Variants in CNTNAP2 observed in about 807,000 individuals in gnomAD.
CNTNAP2 encodes the protein contactin associated protein 2.
A neutral mutation model predicts 155.2 loss-of-function variants in CNTNAP2; 98 were observed. The observed-to-expected ratio is 0.63, with a 90% CI of 0.54 to 0.75. The LOEUF (loss-of-function observed/expected upper bound fraction) is 0.75, where lower values mean the gene tolerates loss of function less well. CNTNAP2 is among the 30% of genes least tolerant of loss of function. The pLI, the probability that CNTNAP2 is intolerant of heterozygous loss-of-function variation, is 0.00. For synonymous variants in CNTNAP2, 651 were observed against 631.2 expected (o/e 1.03, Z -0.47); for missense variants, 1,727 against 1,688.1 (o/e 1.02, Z -0.40).
chr7:146,974,695 T>C (rs1188736030), intron 3 of CNTNAP2, among the ~76,000 whole-genome samples: 1 of 152,134 alleles, frequency 6.6e-6, no homozygotes, highest in Admixed American at 6.5e-5. Context: ...AAGAATGACT[T>C]ACTCTTTAGA....
At chr7:147,770,942 A>C (rs1584946681) in intron 13 of CNTNAP2, among the ~76,000 whole-genome samples, 1 of 152,248 alleles carries the variant, frequency 6.6e-6, no homozygotes, top group African/African-American at 2.4e-5. Flanking sequence ...TCTACCATAC[A>C]TAAAAGCTTA....
chr7:147,693,048 T>G (rs776350093), intron 13 of CNTNAP2, among the ~76,000 whole-genome samples: 4 of 152,138 alleles, frequency 2.6e-5, no homozygotes, highest in East Asian at 3.9e-4. Context: ...AGATTATTTA[T>G]TTAGTTAGTT....
intron 1 of CNTNAP2, among the ~76,000 whole-genome samples, chr7:146,332,048 T>G (rs1391469511): frequency 6.6e-6 from 1 of 152,110 alleles, no homozygotes; most frequent in African/African-American, 2.4e-5. Context: ...TAAAAATATA[T>G]ATACATATGT....
intron 3 of CNTNAP2, among the ~76,000 whole-genome samples, chr7:146,973,147 G>A (rs1341777515): frequency 6.6e-6 from 1 of 151,998 alleles, no homozygotes; most frequent in East Asian, 1.9e-4. Context: ...TCCTGCCTCC[G>A]CCTCCTTAGT....
Position 147,796,628 on chromosome 7 carries a change from G to C in CNTNAP2, c.2099-106937G>C, listed in dbSNP as rs851687. Among the ~76,000 whole-genome samples the C allele has an allele frequency of 4.8e-3, 727 of 151,610 alleles. 7 individuals carry two copies. The highest frequency in any genetic ancestry group is 0.017 in the African/African-American group (690 of 41,338). ...ATGTTTTGTGAATTATCCATAACAA[G>C]GAATACCCTCATGCAGATAATCAAC... is the stretch of plus-strand genomic sequence containing the variant. On this transcript the variant is annotated intron_variant, in intron 13 of 23. Coordinates refer to ENST00000361727, the MANE Select transcript of CNTNAP2 (RefSeq NM_014141.6).
At chr7:146,886,237 G>T (rs1429872454) in intron 3 of CNTNAP2, among the ~76,000 whole-genome samples, 1 of 147,468 alleles carries the variant, frequency 6.8e-6, no homozygotes. Flanking sequence ...TGACTCTAAG[G>T]TTTTCCCTTA....
intron 21 of CNTNAP2, among the ~76,000 whole-genome samples, chr7:148,277,733 G>A (rs1386296482): frequency 2.6e-5 from 4 of 151,240 alleles, no homozygotes; most frequent in Admixed American, 1.3e-4. Flanking sequence ...CTTAGCTCTC[G>A]TCTCTCCTGC....
intron 1 of CNTNAP2, among the ~76,000 whole-genome samples, chr7:146,161,563 A>G (rs758276407): frequency 2.2e-4 from 34 of 152,198 alleles, no homozygotes; most frequent in Non-Finnish European, 4.4e-4. Flanking sequence ...GGAAGAATCA[A>G]TATTGTGAAA....
intron 3 of CNTNAP2, among the ~76,000 whole-genome samples, chr7:147,043,038 A>G (rs1361228467): frequency 6.6e-6 from 1 of 152,112 alleles, no homozygotes; most frequent in Non-Finnish European, 1.5e-5. Context: ...CTTCTAAAAT[A>G]TAATAGTTTC....
chr7:147,295,529 C>T (rs984007265), intron 8 of CNTNAP2, among the ~76,000 whole-genome samples: 3 of 152,008 alleles, frequency 2.0e-5, no homozygotes, highest in South Asian at 2.1e-4. Flanking sequence ...TGAGGTATTA[C>T]GAATCAAATG....
At position 146,689,814 on chromosome 7, in the gene CNTNAP2, C is replaced by T. The variant is rs148123357; in HGVS notation, c.98-84457C>T. Among the ~76,000 whole-genome samples, 209 of 152,124 alleles carry T rather than the reference C, an allele frequency of 1.4e-3. 1 individual carries two copies. The South Asian group carries it at 0.017, about 13-fold the overall frequency. ...TGGAAACTTTTATGTGAATATACTA[C>T]ATTTTATCATGCAGAAATACTGTGT... On this transcript the variant is annotated intron_variant, in intron 1 of 23. Coordinates refer to ENST00000361727, the MANE Select transcript of CNTNAP2 (RefSeq NM_014141.6).
intron 3 of CNTNAP2, among the ~76,000 whole-genome samples, chr7:146,910,837 G>A (rs1478657520): frequency 1.3e-5 from 2 of 149,482 alleles, no homozygotes; most frequent in African/African-American, 5.0e-5. Context: ...CTTCTGCACA[G>A]CAAAAGAAAC....
At chr7:147,392,970 A>C (rs1554478924) in intron 9 of CNTNAP2, among the ~76,000 whole-genome samples, 1 of 152,034 alleles carries the variant, frequency 6.6e-6, no homozygotes, top group Non-Finnish European at 1.5e-5. Flanking sequence ...AATTTCAAAC[A>C]ATGATGAATA....
At chr7:146,245,940 T>C (rs535211668) in intron 1 of CNTNAP2, among the ~76,000 whole-genome samples, 17 of 125,784 alleles carry the variant, frequency 1.4e-4, no homozygotes, top group East Asian at 2.0e-4. Flanking sequence ...TTTGGCACCA[T>C]GAGGTGGATA....
intron 8 of CNTNAP2, among the ~76,000 whole-genome samples, chr7:147,283,660 G>A (rs181697485): frequency 6.6e-6 from 1 of 151,928 alleles, no homozygotes; most frequent in African/African-American, 2.4e-5. Flanking sequence ...TTGCCTTTGT[G>A]GGGTATTGCT....
chr7:146,801,177 G>T (rs1181569926), intron 2 of CNTNAP2, among the ~76,000 whole-genome samples: 3 of 152,118 alleles, frequency 2.0e-5, no homozygotes, highest in Non-Finnish European at 4.4e-5. Flanking sequence ...GACAGAAGGA[G>T]CAGGAAAAAG....
At chr7:147,833,117 T>C (rs952078425) in intron 13 of CNTNAP2, among the ~76,000 whole-genome samples, 5 of 150,962 alleles carry the variant, frequency 3.3e-5, no homozygotes, top group Admixed American at 2.0e-4. Flanking sequence ...TTTGGTGGTA[T>C]TTTTCTTAGG....
chr7:146,388,817 A>C (rs1795498864), intron 1 of CNTNAP2, among the ~76,000 whole-genome samples: 1 of 152,076 alleles, frequency 6.6e-6, no homozygotes, highest in South Asian at 2.1e-4. Flanking sequence ...CATGGGTTCA[A>C]TTGTTTTGAT....
intron 9 of CNTNAP2, among the ~76,000 whole-genome samples, chr7:147,384,092 G>T (rs1422622673): frequency 2.0e-5 from 3 of 152,150 alleles, no homozygotes; most frequent in Non-Finnish European, 2.9e-5. Flanking sequence ...GTACAAGTGA[G>T]AAAAATAGGA....
Sources: allele counts gnomAD v4.1 joint callset (sites outside exome capture counted in the v4.1 genomes callset), GRCh38; gene constraint gnomAD v4.1.1; transcripts MANE v1.5; gene names NCBI Gene and HGNC (gene_info 2026-07-23, HGNC 2026-07-21).